The following FSD1L variants were observed in gnomAD, a reference collection of about 807,000 sequenced individuals.
FSD1L encodes fibronectin type III and SPRY domain containing 1 like.
FSD1L carries 45 observed loss-of-function variants against 71.6 expected under a neutral mutation model. That is an observed-to-expected ratio of 0.63 (90% CI 0.49 to 0.81). The LOEUF (loss-of-function observed/expected upper bound fraction) is 0.81. FSD1L is among the 30% of genes least tolerant of loss of function. FSD1L has a pLI of 0.00. For synonymous variants in FSD1L, 197 were observed against 207.2 expected (o/e 0.95, Z 0.42); for missense variants, 561 against 618.1 (o/e 0.91, Z 0.98).
chr9:105,472,868 A>C lies in FSD1L; in HGVS notation c.441+863A>C, dbSNP rs536609370. ...TTTTAAACACATGAATCAAAACAAA[A>C]GTTCTTTTGCTGTAAGCCAATGCAT... On this transcript the variant is annotated intron_variant, in intron 5 of 13. Coordinates refer to ENST00000481272, the MANE Select transcript of FSD1L (RefSeq NM_001145313.3). The C allele has an allele frequency of 1.4e-4, 22 of 152,368 alleles. No individual in the cohort carries two copies. In the South Asian group the frequency reaches 4.3e-3, roughly 30 times the overall value. The allele number at this position is 152,368 out of a possible 1,614,324, so 9.4% of individuals were successfully genotyped here.
chr9:105,503,781 G>T (rs572610319), intron 7 of FSD1L, among the ~76,000 whole-genome samples: 2 of 152,316 alleles, frequency 1.3e-5, no homozygotes, highest in South Asian at 4.1e-4. Context: ...AGAATCTAGA[G>T]TGAACTTCCC....
intron 13 of FSD1L, among the ~76,000 whole-genome samples, chr9:105,546,139 G>C (rs1369895155): frequency 1.3e-5 from 2 of 152,116 alleles, no homozygotes; most frequent in East Asian, 3.9e-4. Flanking sequence ...TGCAGCTTCA[G>C]TTGGTTCTGC....
At chr9:105,498,445 C>T (rs1833560748) in intron 7 of FSD1L, among the ~76,000 whole-genome samples, 1 of 151,984 alleles carries the variant, frequency 6.6e-6, no homozygotes, top group African/African-American at 2.4e-5. Context: ...GGCTACAAAC[C>T]TGTACAGCAT....
chr9:105,484,831 A>G (rs1832431014), intron 7 of FSD1L, among the ~76,000 whole-genome samples: 1 of 152,056 alleles, frequency 6.6e-6, no homozygotes, highest in Non-Finnish European at 1.5e-5. Flanking sequence ...ATCTTGAACA[A>G]TTTACTTAAC....
At chr9:105,477,620 G>GT (rs1190176207) in intron 5 of FSD1L, among the ~76,000 whole-genome samples, 2 of 152,160 alleles carry the variant, frequency 1.3e-5, no homozygotes, top group Non-Finnish European at 2.9e-5. Context: ...GGTAGTACTT[G>GT]TTTCATATCA....
intron 10 of FSD1L, chr9:105,521,949 C>T (rs142870819): frequency 0.025 from 41,052 of 1,612,664 alleles, 662 homozygotes; most frequent in Non-Finnish European, 0.029. Context: ...TAACATTTAT[C>T]GGTACATGGT....
At chr9:105,528,194 T>C (rs1006771180) in intron 10 of FSD1L, among the ~76,000 whole-genome samples, 2 of 152,114 alleles carry the variant, frequency 1.3e-5, no homozygotes, top group African/African-American at 4.8e-5. Context: ...ATAATCAATA[T>C]CGTGAAAATG....
chr9:105,444,801 A>C (rs541033764), upstream of FSD1L, among the ~76,000 whole-genome samples: 2 of 152,180 alleles, frequency 1.3e-5, no homozygotes, highest in East Asian at 3.9e-4. Flanking sequence ...TTTTGTAAAC[A>C]ATTTGCTTTC....
In FSD1L at chr9:105,456,135, C is replaced by A. The variant is rs60740662; in HGVS notation, c.16-5385C>A. Among the ~76,000 whole-genome samples, 835 of 152,224 alleles carry A rather than the reference C, an allele frequency of 5.5e-3. 10 individuals carry two copies. Among genetic ancestry groups the A allele is most frequent in the African/African-American group, 0.019 (809 of 41,524 alleles). On this transcript the variant is annotated intron_variant, in intron 1 of 13. Coordinates refer to ENST00000481272, the MANE Select transcript of FSD1L (RefSeq NM_001145313.3). ...TCTAATCTTGAAGTAAAATCTTAGT[C>A]CTTTGGATGCCTTTAGCCGTTCTGA...
chr9:105,540,000 A>G (rs1836506296), intron 13 of FSD1L, among the ~76,000 whole-genome samples: 1 of 152,120 alleles, frequency 6.6e-6, no homozygotes, highest in South Asian at 2.1e-4. Context: ...TCCATTGAGT[A>G]TATACCTATG....
chr9:105,476,852 T>G (rs1219380591), intron 5 of FSD1L, among the ~76,000 whole-genome samples: 1 of 152,240 alleles, frequency 6.6e-6, no homozygotes, highest in Non-Finnish European at 1.5e-5. Flanking sequence ...TTTGAAACTC[T>G]GCCTTCTAAT....
chr9:105,487,266 G>T (rs2131723842), intron 7 of FSD1L, among the ~76,000 whole-genome samples: 1 of 152,166 alleles, frequency 6.6e-6, no homozygotes, highest in Admixed American at 6.5e-5. Flanking sequence ...TTGCAGAGAG[G>T]TGCCACTATC....
chr9:105,526,490 A>C lies in FSD1L; in HGVS notation c.1026-8003A>C. 5 of 1,612,344 alleles carry C rather than the reference A, an allele frequency of 3.1e-6. No individual in the cohort carries two copies. The South Asian group carries it at 5.5e-5, about 18-fold the overall frequency. ...TCGAACTAGCAAAAGCCGCATGTCC[A>C]TGAAGCTGCGTCGTTCCTCTGGCTC... On this transcript the variant is annotated intron_variant, in intron 10 of 13. Coordinates refer to ENST00000481272, the MANE Select transcript of FSD1L (RefSeq NM_001145313.3).
chr9:105,483,897 A>G (rs572287828), intron 6 of FSD1L, among the ~76,000 whole-genome samples: 3 of 152,282 alleles, frequency 2.0e-5, no homozygotes, highest in South Asian at 4.1e-4. Context: ...TATTAGGTCA[A>G]TCTACCTCTA....
intron 7 of FSD1L, among the ~76,000 whole-genome samples, chr9:105,497,982 T>A (rs144353916): frequency 2.6e-5 from 4 of 152,070 alleles, no homozygotes; most frequent in African/African-American, 9.7e-5. Context: ...TAGTTAGGAC[T>A]ACAGGCATGT....
chr9:105,499,563 C>T (rs1030709638), intron 7 of FSD1L, among the ~76,000 whole-genome samples: 1 of 151,796 alleles, frequency 6.6e-6, no homozygotes, highest in Admixed American at 6.6e-5. Context: ...GTAAGGTCCC[C>T]TCCTCCGCCC....
At chr9:105,444,503 A>G (rs568175627), upstream of FSD1L, among the ~76,000 whole-genome samples, 19 of 152,266 alleles carry the variant, frequency 1.2e-4, no homozygotes, top group Non-Finnish European at 2.1e-4. Context: ...CTCCTAAGAG[A>G]TGGGGGAATT....
Position 105,509,519 on chromosome 9 carries a change from C to T in FSD1L, c.895+804C>T, listed in dbSNP as rs538518286. Among the ~76,000 whole-genome samples, 170 of 152,244 alleles carry T rather than the reference C, an allele frequency of 1.1e-3. 1 individual carries two copies. Among genetic ancestry groups the T allele is most frequent in the African/African-American group, 4.0e-3 (165 of 41,542 alleles). The stretch of plus-strand genomic sequence containing the variant: ...GACTGGGTTTAATTCCAGAACCAGA[C>T]TCTACACATTCTTGTAGGCACTTGG... On this transcript the variant is annotated intron_variant, in intron 9 of 13. Transcript: ENST00000481272.
At chr9:105,540,408 C>T (rs1836534220) in intron 13 of FSD1L, among the ~76,000 whole-genome samples, 1 of 152,040 alleles carries the variant, frequency 6.6e-6, no homozygotes, top group South Asian at 2.1e-4. Context: ...GTTTGATAAA[C>T]AAAAGTTAAT....
Sources: allele counts gnomAD v4.1 joint callset (sites outside exome capture counted in the v4.1 genomes callset), GRCh38; gene constraint gnomAD v4.1.1; transcripts MANE v1.5; gene names NCBI Gene and HGNC (gene_info 2026-07-23, HGNC 2026-07-21).